GADL1: variants seen among roughly 807,000 people sequenced by gnomAD.
GADL1 encodes acidic amino acid decarboxylase GADL1.
A neutral mutation model predicts 69.5 loss-of-function variants in GADL1; 71 were observed. That is an observed-to-expected ratio of 1.02 (90% CI 0.84 to 1.25). The LOEUF is 1.25. Ranked by LOEUF, GADL1 falls within the 50% of genes most tolerant of loss-of-function variation. The probability of loss-of-function intolerance (pLI) is 0.00; values close to 1 mark genes in which losing one functional copy is unlikely to be tolerated. For synonymous variants in GADL1, 254 were observed against 214.4 expected (o/e 1.18, Z -1.62); for missense variants, 737 against 631.8 (o/e 1.17, Z -1.79).
chr3:30,771,183 T>C (rs1288638840), intron 14 of GADL1, among the ~76,000 whole-genome samples: 1 of 152,202 alleles, frequency 6.6e-6, no homozygotes, highest in Non-Finnish European at 1.5e-5. Flanking sequence ...CACTGAGTAT[T>C]CCCTGCCCTT....
At chr3:30,889,686 A>G (rs1170566136) in intron 1 of GADL1, among the ~76,000 whole-genome samples, 1 of 152,044 alleles carries the variant, frequency 6.6e-6, no homozygotes, top group East Asian at 1.9e-4. Flanking sequence ...CAATTATGCA[A>G]TTTTGGAATG....
Position 30,861,679 on chromosome 3 carries a change from C to T in GADL1, c.124G>A (p.Ala42Thr). The T allele has an allele frequency of 6.5e-7, 1 of 1,550,054 alleles. No homozygotes were observed. The highest frequency in any genetic ancestry group is 1.2e-5 in the South Asian group (1 of 83,982). ...TCAACAAATTTTTCTCCAGCTTTTG[C>T]ATCTGTTGTAGGACCATTCAGCACA... ...GVVLNGPTTDAKAGEKFVEEA... is the reference protein window; with the variant it reads ...GVVLNGPTTDTKAGEKFVEEA... Residue 42 changes from alanine (A) to threonine (T), a missense_variant, in exon 2 of 15, where the codon GCA becomes ACA. Ala to Thr is a moderately conservative substitution (Grantham distance 58). Coordinates refer to ENST00000282538, the MANE Select transcript of GADL1 (RefSeq NM_207359.3).
chr3:30,827,367 A>G (rs975449840), intron 11 of GADL1, among the ~76,000 whole-genome samples: 2 of 151,260 alleles, frequency 1.3e-5, no homozygotes, highest in Middle Eastern at 3.4e-3. Flanking sequence ...GATGATTGAG[A>G]TCAGATAGTA....
chr3:30,847,351 G>A (rs909000974), intron 6 of GADL1, among the ~76,000 whole-genome samples: 2 of 152,168 alleles, frequency 1.3e-5, no homozygotes, highest in Non-Finnish European at 2.9e-5. Context: ...AGATAGAAAT[G>A]GAGTAATTTG....
At chr3:30,731,052 G>C (rs146297079) in intron 14 of GADL1, among the ~76,000 whole-genome samples, 188 of 152,306 alleles carry the variant, frequency 1.2e-3, no homozygotes, top group African/African-American at 4.4e-3. Context: ...CTTTCTGAAT[G>C]CAAACTGTGA....
At chr3:30,751,282 T>A (rs72852571) in intron 14 of GADL1, among the ~76,000 whole-genome samples, 1,987 of 152,142 alleles carry the variant, frequency 0.013, 41 homozygotes, top group African/African-American at 0.045. Flanking sequence ...TGGGGGGTGT[T>A]GCCAATTCTT....
At chr3:30,867,144 A>G (rs984073908) in intron 1 of GADL1, among the ~76,000 whole-genome samples, 1 of 151,996 alleles carries the variant, frequency 6.6e-6, no homozygotes, top group African/African-American at 2.4e-5. Flanking sequence ...TCCTGGGAAA[A>G]TTAATGAAGA....
At chr3:30,857,294 T>G (rs1320969271) in intron 2 of GADL1, among the ~76,000 whole-genome samples, 153 bp from the exon 3 acceptor site, 1 of 151,914 alleles carries the variant, frequency 6.6e-6, no homozygotes, top group African/African-American at 2.4e-5. Flanking sequence ...ATTACAGTAA[T>G]GTAGATGTTG....
intron 1 of GADL1, among the ~76,000 whole-genome samples, chr3:30,864,172 A>G (rs1241218457): frequency 6.6e-6 from 1 of 152,050 alleles, no homozygotes; most frequent in Non-Finnish European, 1.5e-5. Flanking sequence ...AAAATAGAGT[A>G]AGAAAGAGAG....
At chr3:30,816,215 TGCATCCTGGAAAA>T (rs1697466996) in intron 11 of GADL1, among the ~76,000 whole-genome samples, 1 of 151,978 alleles carries the variant, frequency 6.6e-6, no homozygotes, top group Non-Finnish European at 1.5e-5. Flanking sequence ...AGACCCCTAA[TGCATCCTGGAAAA>T]GCAGAAAGGC....
At chr3:30,780,896 G>A (rs1291121462) in intron 13 of GADL1, among the ~76,000 whole-genome samples, 1 of 152,100 alleles carries the variant, frequency 6.6e-6, no homozygotes, top group Non-Finnish European at 1.5e-5. Context: ...TTGAATTTTT[G>A]CAAAAATATA....
rs10687426 is a variant in GADL1, at chr3:30,754,860, A to ATTTT, written c.1392+23315_1392+23318dup. On this transcript the variant is annotated intron_variant, in intron 14 of 14. Transcript: ENST00000282538. ...AGGGGGCAAAAACTGCAGGGCACTG[A>ATTTT]TTTTTTTTCTGAAAGTCTCATGTGC... 3.3e-3 allele frequency among the ~76,000 whole-genome samples: 494 copies of ATTTT among 151,900 alleles called. 1 individual carries two copies. The highest frequency in any genetic ancestry group is 0.01 in the Middle Eastern group (3 of 292).
At chr3:30,867,912 T>C (rs1698427701) in intron 1 of GADL1, among the ~76,000 whole-genome samples, 1 of 152,044 alleles carries the variant, frequency 6.6e-6, no homozygotes, top group African/African-American at 2.4e-5. Flanking sequence ...TTAAGGGTTG[T>C]GGTTATAGGA....
intron 14 of GADL1, among the ~76,000 whole-genome samples, chr3:30,759,298 T>G (rs781306151): frequency 3.3e-5 from 5 of 152,184 alleles, no homozygotes; most frequent in Non-Finnish European, 7.3e-5. Context: ...TTAGCCAGAG[T>G]ATATTCTACT....
intron 12 of GADL1, among the ~76,000 whole-genome samples, chr3:30,793,229 C>T (rs913041173): frequency 6.6e-6 from 1 of 152,130 alleles, no homozygotes; most frequent in Non-Finnish European, 1.5e-5. Context: ...CTAAAAAGTA[C>T]CCTATCCTCT....
At chr3:30,857,604 G>A (rs985057188) in intron 2 of GADL1, among the ~76,000 whole-genome samples, 1 of 151,832 alleles carries the variant, frequency 6.6e-6, no homozygotes, top group African/African-American at 2.4e-5. Context: ...GTGTGTACCC[G>A]GCCCTATGCA....
At chr3:30,735,120 G>T (rs1695523643) in intron 14 of GADL1, among the ~76,000 whole-genome samples, 2 of 152,074 alleles carry the variant, frequency 1.3e-5, no homozygotes, top group East Asian at 1.9e-4. Flanking sequence ...AATAGCAAGG[G>T]TGCTGCCCTT....
At chr3:30,804,949 G>T (rs1320578859) in intron 11 of GADL1, among the ~76,000 whole-genome samples, 1 of 152,198 alleles carries the variant, frequency 6.6e-6, no homozygotes, top group Admixed American at 6.5e-5. Context: ...TTAGGAGTCT[G>T]GACCTTTTGC....
At chr3:30,842,867 T>C (rs1322098189) in intron 8 of GADL1, among the ~76,000 whole-genome samples, 1 of 115,572 alleles carries the variant, frequency 8.7e-6, no homozygotes, top group African/African-American at 3.2e-5. Context: ...CTGAAGTCAA[T>C]ACATCTGCAA....
Sources: allele counts gnomAD v4.1 joint callset (sites outside exome capture counted in the v4.1 genomes callset), GRCh38; gene constraint gnomAD v4.1.1; transcripts MANE v1.5; gene names NCBI Gene and HGNC (gene_info 2026-07-23, HGNC 2026-07-21).